The following PLCD1 variants were observed in gnomAD, a reference collection of about 807,000 sequenced individuals.
PLCD1 encodes the protein phospholipase C delta 1.
Under a neutral mutation model 87.4 loss-of-function variants are expected in PLCD1, and 71 were observed. The observed-to-expected ratio is 0.81, with a 90% CI of 0.67 to 0.99. PLCD1 has a LOEUF of 0.99. Among genes scored for constraint, PLCD1 ranks in the 50% least tolerant of loss-of-function variants. PLCD1 has a pLI of 0.00. For missense variants in PLCD1, 867 were observed against 1,001.5 expected, an observed-to-expected ratio of 0.87 and a Z score of 1.81; for synonymous variants, 348 against 399.2, an observed-to-expected ratio of 0.87 and a Z score of 1.53.
rs1700050878 is a variant in PLCD1, at chr3:38,010,290, G to A, written c.993-15C>T. 2.5e-6 allele frequency: 4 copies of A among 1,614,208 alleles called. No individual in the cohort carries two copies. Among genetic ancestry groups the A allele is most frequent in the Non-Finnish European group, 3.4e-6 (4 of 1,180,022 alleles). ...TGCACAGTGCCCTGCGGGGAGGGTG[G>A]TGGCTAGGACCCTCCAGGTCCTGTC... On this transcript the variant is annotated splice_polypyrimidine_tract_variant and intron_variant, in intron 6 of 14. Coordinates refer to ENST00000334661, the MANE Select transcript of PLCD1 (RefSeq NM_006225.4).
intron 3 of PLCD1, among the ~76,000 whole-genome samples, chr3:38,012,031 CT>C (rs763245915): frequency 1.7e-3 from 230 of 137,612 alleles, no homozygotes; most frequent in Middle Eastern, 3.9e-3. Context: ...TTTTCCTTTT[CT>C]TTTTTTTTTT....
At chr3:38,027,593 G>A (rs1269499456) in intron 1 of PLCD1, among the ~76,000 whole-genome samples, 1 of 152,290 alleles carries the variant, frequency 6.6e-6, no homozygotes, top group African/African-American at 2.4e-5. Context: ...TAGGTGAGCC[G>A]CATAGCTCCC....
chr3:38,022,419 G>A (rs1401281914), intron 1 of PLCD1, among the ~76,000 whole-genome samples: 1 of 152,180 alleles, frequency 6.6e-6, no homozygotes, highest in Non-Finnish European at 1.5e-5. Context: ...AAAGCTGAGA[G>A]GGACATCTCC....
chr3:38,011,648 C>T lies in PLCD1; in HGVS notation c.454G>A (p.Ala152Thr), dbSNP rs771527177. ...QHWIHSCLRK[A>T]DKNKDNKMSF... ...ATCTTGTTGTCCTTGTTTTTGTCAG[C>T]TTTTCGCAAGCAGGAGTGAATCCAG... Residue 152 changes from alanine (A) to threonine (T), a missense_variant, in exon 4 of 15, where the codon GCT (alanine) becomes ACT (threonine). Ala to Thr is a moderately conservative substitution (Grantham distance 58). Transcript: ENST00000334661. 1 of 1,614,106 alleles carries T rather than the reference C, an allele frequency of 6.2e-7. No homozygotes were observed. The highest frequency in any genetic ancestry group is 1.1e-5 in the South Asian group (1 of 91,092).
At position 38,011,801 on chromosome 3, in the gene PLCD1, C is replaced by T; in HGVS notation, c.429-128G>A. 4.6e-6 allele frequency: 4 copies of T among 861,454 alleles called. No homozygotes were observed. In the South Asian group the frequency reaches 5.5e-5, roughly 12 times the overall value. 53.4% of individuals were successfully genotyped at this position (861,454 alleles called of 1,614,324 possible). ...CCTGCAGGCCTGACTTACTACACAT[C>T]CATGTTTCAGTGGCCTCTTCAGAGG... On this transcript the variant is annotated intron_variant, in intron 3 of 14. Coordinates refer to ENST00000334661, the MANE Select transcript of PLCD1 (RefSeq NM_006225.4).
chr3:38,029,615 G>C lies in PLCD1; in HGVS notation c.-76C>G. The C allele has an allele frequency of 7.1e-7, 1 of 1,409,446 alleles. No homozygotes were observed. Among genetic ancestry groups the C allele is most frequent in the South Asian group, 1.2e-5 (1 of 80,550 alleles). 87.3% of individuals were successfully genotyped at this position (1,409,446 alleles called of 1,614,324 possible). A position where few individuals can be genotyped will look rare whatever the true frequency, so the allele number is the denominator to read the frequency against. On this transcript the variant is annotated 5_prime_UTR_variant, in exon 1 of 15. Coordinates refer to ENST00000334661, the MANE Select transcript of PLCD1 (RefSeq NM_006225.4). Reference sequence around the variant, plus strand: ...CGACAGCACCGGCGGCCTGGGGTCCGAGCGGAGTGCGGTGCAGGGACCTGA... The same window carrying C: ...CGACAGCACCGGCGGCCTGGGGTCCCAGCGGAGTGCGGTGCAGGGACCTGA...
intron 3 of PLCD1, among the ~76,000 whole-genome samples, chr3:38,013,379 ATT>A (rs1249210665): frequency 1.3e-5 from 2 of 151,102 alleles, no homozygotes; most frequent in South Asian, 4.2e-4. Flanking sequence ...CGCCCGGCTA[ATT>A]TTTTGTATTT....
chr3:38,024,494 T>TA (rs2125551567), intron 1 of PLCD1: 1 of 1,561,830 alleles, frequency 6.4e-7, no homozygotes, highest in African/African-American at 1.4e-5. Flanking sequence ...GCCTCCAGTG[T>TA]TTTATGCTCA....
At chr3:38,015,583 T>C (rs1327997401) in intron 3 of PLCD1, among the ~76,000 whole-genome samples, 1 of 152,216 alleles carries the variant, frequency 6.6e-6, no homozygotes, top group African/African-American at 2.4e-5. Flanking sequence ...GTTAATTATA[T>C]GGTATGTGAA....
In PLCD1 at chr3:38,024,440, CCA is replaced by C. The variant is rs765439745; in HGVS notation, c.35-4090_35-4089del. The C allele has an allele frequency of 2.5e-6, 4 of 1,609,970 alleles. No homozygotes were observed. In the South Asian group the frequency reaches 4.4e-5, roughly 18 times the overall value. ...GGATCCCCAGGCACTGCATGGCCCT[CCA>C]CAGTGCCCCTGCCTGCGCGGAGCCG... On this transcript the variant is annotated intron_variant, in intron 1 of 14. Transcript: ENST00000334661.
At chr3:38,012,031 C>CTTTTTTTTTTTTTT (rs763245915) in intron 3 of PLCD1, among the ~76,000 whole-genome samples, 1 of 137,656 alleles carries the variant, frequency 7.3e-6, no homozygotes, top group African/African-American at 2.8e-5. Context: ...TTTTCCTTTT[C>CTTTTTTTTTTTTTT]TTTTTTTTTT....
At position 38,011,220 on chromosome 3, in the gene PLCD1, C is replaced by G; in HGVS notation, c.784G>C (p.Glu262Gln). ...LSLIERYEPSETAKAQRQMTK... is the reference protein window; with the variant it reads ...LSLIERYEPSQTAKAQRQMTK... ...GCCCTGGTCAGGCTCTCACCAGTCT[C>G]GCTGGGCTCGTAGCGCTCAATGAGG... Residue 262 changes from glutamate to glutamine, a missense_variant, in exon 5 of 15, where the codon GAG becomes CAG. Coordinates refer to ENST00000334661, the MANE Select transcript of PLCD1 (RefSeq NM_006225.4). 6.2e-7 allele frequency: 1 copy of G among 1,607,920 alleles called. No individual in the cohort carries two copies. The highest frequency in any genetic ancestry group is 2.2e-5 in the East Asian group (1 of 44,858).
intron 9 of PLCD1, 47 bp from the exon 10 acceptor site, chr3:38,009,478 G>T: frequency 6.2e-7 from 1 of 1,604,926 alleles, no homozygotes; most frequent in Non-Finnish European, 8.5e-7. Context: ...GTTGGGGTAG[G>T]GTAGGCACTG....
At chr3:38,012,683 A>G (rs1700098930) in intron 3 of PLCD1, among the ~76,000 whole-genome samples, 1 of 151,794 alleles carries the variant, frequency 6.6e-6, no homozygotes, top group Non-Finnish European at 1.5e-5. Flanking sequence ...TGCCCAGCTA[A>G]TTTTTGTATT....
rs72865506 is a variant in PLCD1 at position 38,017,866 on chromosome 3, G to A, written c.200-1147C>T. ...GACACATGAGCCCAGGGCCATGTGG[G>A]GGACAGAGGATAGCACGGCTTAATC... On this transcript the variant is annotated intron_variant, in intron 2 of 14. Coordinates refer to ENST00000334661, the MANE Select transcript of PLCD1 (RefSeq NM_006225.4). The surrounding 1 kb of genome is among the most constrained non-coding windows in gnomAD (Gnocchi z 4.7). 0.033 allele frequency among the ~76,000 whole-genome samples: 5,060 copies of A among 152,264 alleles called. 120 individuals carry two copies. Among genetic ancestry groups the A allele is most frequent in the African/African-American group, 0.067 (2,765 of 41,552 alleles).
chr3:38,022,651 A>ACCCCCAGC (rs1414022752), intron 1 of PLCD1, among the ~76,000 whole-genome samples: 1 of 152,168 alleles, frequency 6.6e-6, no homozygotes, highest in Non-Finnish European at 1.5e-5. Flanking sequence ...GCTGCCAACA[A>ACCCCCAGC]TGGTTTCTAA....
intron 3 of PLCD1, among the ~76,000 whole-genome samples, chr3:38,012,081 G>A (rs1201462866): frequency 7.1e-6 from 1 of 140,380 alleles, no homozygotes; most frequent in African/African-American, 2.8e-5. Context: ...AGATTAGAGT[G>A]CAGTGGCACA....
chr3:38,010,907 A>G (rs898152178), intron 5 of PLCD1, among the ~76,000 whole-genome samples: 1 of 152,102 alleles, frequency 6.6e-6, no homozygotes, highest in Non-Finnish European at 1.5e-5. Flanking sequence ...GAATGAGTAA[A>G]AAAAAAAGAA....
intron 1 of PLCD1, among the ~76,000 whole-genome samples, chr3:38,024,955 G>A (rs1488757549): frequency 6.6e-6 from 1 of 152,248 alleles, no homozygotes; most frequent in Non-Finnish European, 1.5e-5. Context: ...GGGCCCCGCG[G>A]AGGCGGAGTG....
Sources: allele counts gnomAD v4.1 joint callset (sites outside exome capture counted in the v4.1 genomes callset), GRCh38; gene constraint gnomAD v4.1.1; non-coding constraint Gnocchi (gnomAD v3.1); transcripts MANE v1.5; gene names NCBI Gene and HGNC (gene_info 2026-07-23, HGNC 2026-07-21).